The following IARS1 variants were observed in gnomAD, a reference collection of about 807,000 sequenced individuals.
The protein encoded by IARS1 is isoleucine--tRNA ligase, cytoplasmic.
In IARS1, 124 loss-of-function variants were observed where a neutral mutation model predicts 168.2. That is an observed-to-expected ratio of 0.74 (90% CI 0.64 to 0.86). The LOEUF is 0.86. IARS1 is among the 40% of genes least tolerant of loss of function. IARS1 has a pLI of 0.00. For synonymous variants in IARS1, 532 were observed against 529.4 expected, an observed-to-expected ratio of 1.00 and a Z score of -0.07; for missense variants, 1,452 against 1,515.8, an observed-to-expected ratio of 0.96 and a Z score of 0.70.
chr9:92,243,216 C>G lies in IARS1; in HGVS notation c.3000G>C (p.Lys1000Asn). Residue 1000 changes from lysine to asparagine, a missense_variant and splice_region_variant, in exon 28 of 34, where the codon AAG becomes AAC. Coordinates refer to ENST00000443024, the MANE Select transcript of IARS1 (RefSeq NM_002161.6). ...VINRIQKLRK[K>N]CNLVPTDEIT... ...GCTTATTCTTAACTGACAAACTAAC[C>G]TTTTTGCGAAGTTTCTGTATGCGAT... The G allele has an allele frequency of 6.2e-7, 1 of 1,612,078 alleles. No individual in the cohort carries two copies. The highest frequency in any genetic ancestry group is 8.5e-7 in the Non-Finnish European group (1 of 1,178,350).
chr9:92,244,897 T>C (rs1828953671), intron 27 of IARS1, 62 bp downstream of exon 27: 1 of 1,341,122 alleles, frequency 7.5e-7, no homozygotes, highest in Non-Finnish European at 1.1e-6. Flanking sequence ...CACAGGCAAA[T>C]ACTTTCTCCT....
chr9:92,228,971 G>A, intron 31 of IARS1, 30 bp downstream of exon 31: 3 of 1,612,624 alleles, frequency 1.9e-6, no homozygotes, highest in Non-Finnish European at 2.5e-6. Context: ...TTGAGTCAAA[G>A]GACGTAGGCT....
chr9:92,263,196 G>A lies in IARS1; in HGVS notation c.1701-141C>T, dbSNP rs1411594484. ...ACTTAAAGCAATGATTCTTAATCCT[G>A]GTTACTGGAGACCAATCAAATTACT... is the stretch of plus-strand genomic sequence containing the variant. On this transcript the variant is annotated intron_variant, in intron 16 of 33. Coordinates refer to ENST00000443024, the MANE Select transcript of IARS1 (RefSeq NM_002161.6). 4 of 612,802 alleles carry A rather than the reference G, an allele frequency of 6.5e-6. No individual in the cohort carries two copies. In the East Asian group the frequency reaches 1.1e-4, roughly 17 times the overall value. 38.0% of individuals were successfully genotyped at this position (612,802 alleles called of 1,614,324 possible). A position where few individuals can be genotyped will look rare whatever the true frequency, so the allele number is the denominator to read the frequency against.
intron 30 of IARS1, among the ~76,000 whole-genome samples, chr9:92,231,004 T>C (rs1826589446): frequency 6.6e-6 from 1 of 152,242 alleles, no homozygotes; most frequent in Non-Finnish European, 1.5e-5. Flanking sequence ...TCAAATATGT[T>C]GTTTTATAAA....
chr9:92,252,194 G>C (rs986098929), intron 21 of IARS1, among the ~76,000 whole-genome samples: 2 of 152,012 alleles, frequency 1.3e-5, no homozygotes, highest in African/African-American at 4.8e-5. Context: ...AGGTAGAATG[G>C]ATCTACCCAC....
chr9:92,263,071 A>G lies in IARS1; in HGVS notation c.1701-16T>C. On this transcript the variant is annotated splice_polypyrimidine_tract_variant and intron_variant, in intron 16 of 33. Coordinates refer to ENST00000443024, the MANE Select transcript of IARS1 (RefSeq NM_002161.6). ...GGTATAAAACCTGAAAAAAAACCCC[A>G]AACAGTTCAATAAAAATAGAAATGA... 6.4e-7 allele frequency: 1 copy of G among 1,563,926 alleles called. No homozygotes were observed. Among genetic ancestry groups the G allele is most frequent in the South Asian group, 1.1e-5 (1 of 89,782 alleles).
chr9:92,288,816 C>T (rs569783345), intron 2 of IARS1, among the ~76,000 whole-genome samples: 39 of 152,100 alleles, frequency 2.6e-4, no homozygotes, highest in African/African-American at 9.4e-4. Flanking sequence ...CAAAATTTAC[C>T]CCAATAATTG....
intron 30 of IARS1, among the ~76,000 whole-genome samples, chr9:92,238,533 A>G (rs1827899758): frequency 6.6e-6 from 1 of 152,214 alleles, no homozygotes; most frequent in South Asian, 2.1e-4. Context: ...GGCCCTCAAC[A>G]GAAGCAGATG....
chr9:92,271,678 G>A (rs1385940100), intron 10 of IARS1, 23 bp from the exon 11 acceptor site: 5 of 1,613,294 alleles, frequency 3.1e-6, no homozygotes, highest in Non-Finnish European at 4.2e-6. Flanking sequence ...AAAAGAGAGG[G>A]AAGAATAAAA....
At chr9:92,233,890 T>C (rs1041846746) in intron 30 of IARS1, among the ~76,000 whole-genome samples, 4 of 152,110 alleles carry the variant, frequency 2.6e-5, no homozygotes, top group African/African-American at 9.7e-5. Context: ...GCCTCCCAAG[T>C]AGCTGGGACT....
At chr9:92,220,433 A>AATC (rs1348937290) in intron 33 of IARS1, among the ~76,000 whole-genome samples, 1 of 151,926 alleles carries the variant, frequency 6.6e-6, no homozygotes, top group Non-Finnish European at 1.5e-5. Context: ...TAAAAATAAT[A>AATC]ATCATAAAAA....
rs1449318182 is a variant in IARS1, at chr9:92,270,988, C to A, written c.1202G>T (p.Trp401Leu). ...TTFTHSYPFC[W>L]RSDTPLIYKA... ...CACAGTCTTTGTTTCTTCTGACCTC[C>A]AGCAAAAAGGGTAGCTGTGAGTGAA... The change falls in exon 12 of 34, where the codon TGG becomes TTG. Residue 401 changes from tryptophan to leucine, a missense_variant. Physicochemically the swap from Trp to Leu is moderately conservative, Grantham distance 61 (BLOSUM62 -2). Transcript: ENST00000443024. The A allele has an allele frequency of 2.5e-6, 4 of 1,608,208 alleles. No individual in the cohort carries two copies.
In IARS1 at chr9:92,256,074, G is replaced by C. The variant is rs1587813493; in HGVS notation, c.2137+606C>G. ...AGACTTCAGGCAACTCTCTGGATTG[G>C]GAACAAGTGGTAGAGTTGGGCTCTG... On this transcript the variant is annotated intron_variant, in intron 20 of 33. Transcript: ENST00000443024. 2.6e-5 allele frequency among the ~76,000 whole-genome samples: 4 copies of C among 151,974 alleles called. No individual in the cohort carries two copies. In the South Asian group the frequency reaches 8.3e-4, roughly 32 times the overall value.
intron 10 of IARS1, among the ~76,000 whole-genome samples, chr9:92,272,530 C>A (rs1833195386): frequency 6.6e-6 from 1 of 152,342 alleles, no homozygotes; most frequent in African/African-American, 2.4e-5. Flanking sequence ...CTGGTGAAGA[C>A]AAGTGCAACG....
At chr9:92,259,125 A>C in intron 18 of IARS1, 127 bp from the exon 19 acceptor site, 1 of 785,672 alleles carries the variant, frequency 1.3e-6, no homozygotes, top group Non-Finnish European at 2.0e-6. Context: ...AATTATGAAT[A>C]CTCTTTGAGT....
chr9:92,236,128 C>A (rs140952520), intron 30 of IARS1, among the ~76,000 whole-genome samples: 6 of 152,112 alleles, frequency 3.9e-5, no homozygotes, highest in Middle Eastern at 3.4e-3. Flanking sequence ...AGATTACAGG[C>A]GCCCGCCACC....
rs745776355 is a variant in IARS1, at chr9:92,247,544, TTGAG to T, written c.2620_2623del (p.Leu874MetfsTer18). 1 of 1,613,020 alleles carries T rather than the reference TTGAG, an allele frequency of 6.2e-7. No individual in the cohort carries two copies. Reference sequence around the variant, plus strand: ...TGTAGACAGTGTAACTTTTCGAACATTGAGTTCCTACAGTTAATGCACAAGAGGA... The same window carrying T: ...TGTAGACAGTGTAACTTTTCGAACATTTCCTACAGTTAATGCACAAGAGGA... On this transcript the variant is annotated frameshift_variant, in exon 26 of 34. Coordinates refer to ENST00000443024, the MANE Select transcript of IARS1 (RefSeq NM_002161.6). LOFTEE classifies it high-confidence loss of function.
At chr9:92,268,393 G>T in intron 13 of IARS1, 93 bp from the exon 14 acceptor site, 1 of 1,293,240 alleles carries the variant, frequency 7.7e-7, no homozygotes, top group Non-Finnish European at 1.1e-6. Context: ...ATAACGCTTT[G>T]TGGACCAAAC....
chr9:92,257,905 G>C (rs1010353657), intron 19 of IARS1, among the ~76,000 whole-genome samples: 7 of 152,198 alleles, frequency 4.6e-5, no homozygotes, highest in Non-Finnish European at 1.0e-4. Flanking sequence ...GTTCAATGAA[G>C]GTGATGGACG....
Sources: allele counts gnomAD v4.1 joint callset (sites outside exome capture counted in the v4.1 genomes callset), GRCh38; gene constraint gnomAD v4.1.1; transcripts MANE v1.5; gene names NCBI Gene and HGNC (gene_info 2026-07-23, HGNC 2026-07-21).